The following DLGAP2 variants were observed in gnomAD, a reference collection of about 807,000 sequenced individuals.
DLGAP2 encodes the protein disks large-associated protein 2.
In DLGAP2, 26 loss-of-function variants were observed where a neutral mutation model predicts 100.3. The ratio of observed to expected loss-of-function variants is 0.26; its 90% CI spans 0.19 to 0.36. DLGAP2 has a LOEUF of 0.36. DLGAP2 is among the 10% of genes least tolerant of loss of function. The pLI is 1.00. For missense variants in DLGAP2, 1,858 were observed against 1,453.2 expected (o/e 1.28, Z -4.53); for synonymous variants, 886 against 630.1 (o/e 1.41, Z -6.08).
At chr8:997,155 A>G (rs757918289) in intron 2 of DLGAP2, among the ~76,000 whole-genome samples, 2 of 152,214 alleles carry the variant, frequency 1.3e-5, no homozygotes, top group East Asian at 1.9e-4. Context: ...TTTGTAAACT[A>G]TCTCATGATC....
At chr8:1,418,443 C>T (rs937622137) in intron 3 of DLGAP2, among the ~76,000 whole-genome samples, 10 of 152,236 alleles carry the variant, frequency 6.6e-5, no homozygotes, top group African/African-American at 2.2e-4. Context: ...TTTCTGTAGT[C>T]GCTTAGCCTG....
intron 8 of DLGAP2, among the ~76,000 whole-genome samples, chr8:1,638,944 G>C (rs546083391): frequency 3.9e-5 from 6 of 152,344 alleles, no homozygotes; most frequent in African/African-American, 1.4e-4. Context: ...CAGAGAGCTG[G>C]GTCATGGAGT....
intron 3 of DLGAP2, among the ~76,000 whole-genome samples, chr8:1,317,134 A>G (rs866429334): frequency 3.1e-4 from 40 of 129,918 alleles, no homozygotes; most frequent in South Asian, 1.5e-3. Context: ...TCTCTCCAAC[A>G]GTGGTCTACA....
At chr8:1,268,519 C>T (rs1164551377) in intron 3 of DLGAP2, among the ~76,000 whole-genome samples, 1 of 152,168 alleles carries the variant, frequency 6.6e-6, no homozygotes, top group African/African-American at 2.4e-5. Context: ...AAAGCAGGAA[C>T]TTTGTTTTAA....
At chr8:1,387,764 C>A (rs1796253228) in intron 3 of DLGAP2, among the ~76,000 whole-genome samples, 1 of 152,120 alleles carries the variant, frequency 6.6e-6, no homozygotes, top group African/African-American at 2.4e-5. Context: ...CCAGATTTTT[C>A]TCAGGAACCA....
chr8:993,926 G>A (rs548816610), intron 2 of DLGAP2, among the ~76,000 whole-genome samples: 63 of 151,636 alleles, frequency 4.2e-4, no homozygotes, highest in East Asian at 7.8e-4. Flanking sequence ...AGCAGATCCC[G>A]GCTGGTAATT....
intron 5 of DLGAP2, among the ~76,000 whole-genome samples, chr8:1,563,554 G>A (rs1433247840): frequency 1.3e-5 from 2 of 151,666 alleles, no homozygotes. Flanking sequence ...CCGGGTGTCC[G>A]CGCCTCGTTG....
chr8:1,352,950 TC>T (rs1801769566), intron 3 of DLGAP2, among the ~76,000 whole-genome samples: 1 of 152,164 alleles, frequency 6.6e-6, no homozygotes, highest in Non-Finnish European at 1.5e-5. Context: ...CTTTGACTGT[TC>T]CAGAGCTCTG....
At chr8:1,281,103 T>C (rs981986722) in intron 3 of DLGAP2, among the ~76,000 whole-genome samples, 2 of 152,248 alleles carry the variant, frequency 1.3e-5, no homozygotes, top group Admixed American at 6.5e-5. Flanking sequence ...AGATTATGTA[T>C]GCCAAGTTCT....
chr8:1,031,411 A>G (rs566821788), intron 2 of DLGAP2, among the ~76,000 whole-genome samples: 5 of 150,702 alleles, frequency 3.3e-5, no homozygotes, highest in Non-Finnish European at 7.4e-5. Context: ...AATTTTATTT[A>G]TTTGTTTGTT....
chr8:1,601,086 C>G (rs997086755), intron 6 of DLGAP2, among the ~76,000 whole-genome samples: 1 of 152,062 alleles, frequency 6.6e-6, no homozygotes, highest in African/African-American at 2.4e-5. Context: ...GATGTTGATG[C>G]TATTACTTTC....
intron 8 of DLGAP2, among the ~76,000 whole-genome samples, chr8:1,648,678 A>G (rs1372975354): frequency 1.3e-5 from 2 of 152,084 alleles, no homozygotes; most frequent in Non-Finnish European, 2.9e-5. Flanking sequence ...GCAGCTGCTC[A>G]GAGACCCGCA....
chr8:835,173 T>C (rs191344798), intron 1 of DLGAP2, among the ~76,000 whole-genome samples: 1 of 152,340 alleles, frequency 6.6e-6, no homozygotes, highest in East Asian at 1.9e-4. Context: ...ATGCACTGAA[T>C]TGAATTCACC....
At chr8:1,054,531 G>C (rs910433268) in intron 2 of DLGAP2, among the ~76,000 whole-genome samples, 1 of 152,060 alleles carries the variant, frequency 6.6e-6, no homozygotes, top group African/African-American at 2.4e-5. Context: ...TAGAATATAT[G>C]ATATTTCTGC....
At chr8:1,341,598 G>T (rs896781670) in intron 3 of DLGAP2, among the ~76,000 whole-genome samples, 4 of 152,180 alleles carry the variant, frequency 2.6e-5, no homozygotes, top group African/African-American at 9.7e-5. Flanking sequence ...ACAAAAGTTA[G>T]TTCTGTGTCG....
At chr8:1,360,374 C>G (rs1474915340) in intron 3 of DLGAP2, among the ~76,000 whole-genome samples, 1 of 152,066 alleles carries the variant, frequency 6.6e-6, no homozygotes, top group African/African-American at 2.4e-5. Context: ...CAGCTAGAGG[C>G]TTTGCGCTGC....
intron 2 of DLGAP2, among the ~76,000 whole-genome samples, chr8:1,240,636 C>G (rs1457707156): frequency 6.8e-6 from 1 of 146,708 alleles, no homozygotes; most frequent in Non-Finnish European, 1.5e-5. Flanking sequence ...AGCGTCACGT[C>G]TAGTTCTCTC....
intron 1 of DLGAP2, among the ~76,000 whole-genome samples, chr8:858,073 T>A (rs969473085): frequency 6.6e-6 from 1 of 152,068 alleles, no homozygotes; most frequent in Non-Finnish European, 1.5e-5. Flanking sequence ...GCCAGGCTGG[T>A]CTTGAACTCC....
At chr8:1,371,536 G>C (rs557410351) in intron 3 of DLGAP2, among the ~76,000 whole-genome samples, 13 of 152,194 alleles carry the variant, frequency 8.5e-5, no homozygotes, top group Non-Finnish European at 1.3e-4. Flanking sequence ...TCTGTAATTG[G>C]AAATCTCTTC....
Sources: allele counts gnomAD v4.1 joint callset (sites outside exome capture counted in the v4.1 genomes callset), GRCh38; gene constraint gnomAD v4.1.1; transcripts MANE v1.5; gene names NCBI Gene and HGNC (gene_info 2026-07-23, HGNC 2026-07-21).